The following GTF2H5 variants were observed in gnomAD, a reference collection of about 807,000 sequenced individuals.
GTF2H5 encodes general transcription factor IIH subunit 5.
A neutral mutation model predicts 7.1 loss-of-function variants in GTF2H5; 5 were observed. That is an observed-to-expected ratio of 0.71 (90% CI 0.37 to 1.49). The LOEUF (loss-of-function observed/expected upper bound fraction) is 1.49. Ranked by LOEUF, GTF2H5 falls within the 40% of genes most tolerant of loss-of-function variation. The pLI, the probability that GTF2H5 is intolerant of heterozygous loss-of-function variation, is 0.03. For missense variants in GTF2H5, 80 were observed against 83.0 expected, an observed-to-expected ratio of 0.96 and a Z score of 0.14; for synonymous variants, 30 against 31.7, an observed-to-expected ratio of 0.95 and a Z score of 0.18.
chr6:158,169,549 C>T (rs796859697), intron 1 of GTF2H5, among the ~76,000 whole-genome samples: 820 of 52,552 alleles, frequency 0.016, 68 homozygotes, highest in East Asian at 0.069. Context: ...ATATAATATA[C>T]TGTATATTAT....
At chr6:158,176,348 T>TC (rs1212901366) in intron 2 of GTF2H5, among the ~76,000 whole-genome samples, 1 of 152,126 alleles carries the variant, frequency 6.6e-6, no homozygotes, top group African/African-American at 2.4e-5. Flanking sequence ...TGCTTCAGCC[T>TC]CCCAAGTAGT....
At chr6:158,168,690 G>A (rs1004270866) in intron 1 of GTF2H5, among the ~76,000 whole-genome samples, 1 of 152,250 alleles carries the variant, frequency 6.6e-6, no homozygotes, top group African/African-American at 2.4e-5. Context: ...AGGTCCGCAC[G>A]GGACGTGATT....
At chr6:158,189,774 C>CT (rs1776989805) in intron 2 of GTF2H5, among the ~76,000 whole-genome samples, 1 of 152,206 alleles carries the variant, frequency 6.6e-6, no homozygotes, top group South Asian at 2.1e-4. Context: ...TTCACTGTCT[C>CT]TAATTTCTTT....
intron 2 of GTF2H5, chr6:158,190,958 T>C (rs1184994136): frequency 9.7e-6 from 5 of 513,942 alleles, no homozygotes; most frequent in Non-Finnish European, 1.5e-5. Context: ...GTATCCCTCT[T>C]TTCCCTTATG....
At chr6:158,169,303 A>AATATATAATATGTATATTATGTATATT (rs1785706546) in intron 1 of GTF2H5, among the ~76,000 whole-genome samples, 1 of 118,034 alleles carries the variant, frequency 8.5e-6, no homozygotes, top group South Asian at 2.4e-4. Context: ...TTTTATATAT[A>AATATATAATATGTATATTATGTATATT]ATATATAATA....
chr6:158,170,932 C>G (rs1041589039), intron 2 of GTF2H5, among the ~76,000 whole-genome samples: 3 of 152,164 alleles, frequency 2.0e-5, no homozygotes, highest in Admixed American at 2.0e-4. Context: ...TAGGTACATT[C>G]CAGAGGAGAA....
At chr6:158,191,923 C>A in intron 2 of GTF2H5, 54 bp from the exon 3 acceptor site, 1 of 1,383,018 alleles carries the variant, frequency 7.2e-7, no homozygotes, top group South Asian at 1.2e-5. Flanking sequence ...GCTCAAGTCT[C>A]TGTGATGTGA....
rs1777066919 is a variant in GTF2H5 at position 158,193,918 on chromosome 6, G to A, written c.*1761G>A. 1 of 151,250 alleles carries A rather than the reference G, an allele frequency of 6.6e-6. No individual in the cohort carries two copies. Among genetic ancestry groups the A allele is most frequent in the Non-Finnish European group, 1.5e-5 (1 of 67,940 alleles). The allele number at this position is 151,250 out of a possible 1,614,324, so 9.4% of individuals were successfully genotyped here. ...GCAGGAGAATGGCGTGAACCCGGGAGGCGGAGCTTGCAGTAAGCTGAGATT... is the reference window on the plus strand; with the variant it reads ...GCAGGAGAATGGCGTGAACCCGGGAAGCGGAGCTTGCAGTAAGCTGAGATT... On this transcript the variant is annotated 3_prime_UTR_variant, in exon 3 of 3. Coordinates refer to ENST00000607778, the MANE Select transcript of GTF2H5 (RefSeq NM_207118.3).
rs1328607474 is a variant in GTF2H5 at position 158,192,322 on chromosome 6, G to C, written c.*165G>C. 5 of 575,768 alleles carry C rather than the reference G, an allele frequency of 8.7e-6. No homozygotes were observed. Among genetic ancestry groups the C allele is most frequent in the Admixed American group, 3.1e-5 (1 of 31,894 alleles). 35.7% of individuals were successfully genotyped at this position (575,768 alleles called of 1,614,324 possible). ...TGTTCAGAAAAAAAGCCCCTGAACT[G>C]ATTTTGTTACCATAGAATTTAAAAA... On this transcript the variant is annotated 3_prime_UTR_variant, in exon 3 of 3. Transcript: ENST00000607778.
intron 1 of GTF2H5, 83 bp downstream of exon 1, chr6:158,168,478 A>G (rs1227303940): frequency 6.6e-6 from 1 of 152,404 alleles, no homozygotes; most frequent in African/African-American, 2.4e-5. Flanking sequence ...GAGGAAGAGA[A>G]AAGCCCCAGA....
At chr6:158,183,660 G>A (rs371693932) in intron 2 of GTF2H5, among the ~76,000 whole-genome samples, 17 of 152,202 alleles carry the variant, frequency 1.1e-4, no homozygotes, top group East Asian at 9.6e-4. Flanking sequence ...AATCTCAGAC[G>A]CTGCGCTAGC....
intron 2 of GTF2H5, among the ~76,000 whole-genome samples, chr6:158,180,814 C>G (rs1381191117): frequency 6.7e-6 from 1 of 149,948 alleles, no homozygotes; most frequent in Non-Finnish European, 1.5e-5. Flanking sequence ...TAAAATAAAC[C>G]AGCTCCGGGA....
chr6:158,173,941 CCATACGG>C (rs1785893524), intron 2 of GTF2H5, among the ~76,000 whole-genome samples: 1 of 152,164 alleles, frequency 6.6e-6, no homozygotes, highest in Non-Finnish European at 1.5e-5. Context: ...CCAGTCCAGA[CCATACGG>C]GGTAACTTCT....
At chr6:158,189,413 G>A (rs781708120) in intron 2 of GTF2H5, among the ~76,000 whole-genome samples, 3 of 152,098 alleles carry the variant, frequency 2.0e-5, no homozygotes, top group Non-Finnish European at 2.9e-5. Flanking sequence ...GTTAGTATCC[G>A]TGTGGGTAGT....
At chr6:158,186,786 G>A (rs900717559) in intron 2 of GTF2H5, among the ~76,000 whole-genome samples, 10 of 152,118 alleles carry the variant, frequency 6.6e-5, no homozygotes, top group Non-Finnish European at 1.2e-4. Flanking sequence ...AATGGGGGGC[G>A]GGCTTCCCGG....
At chr6:158,180,832 A>ATTTTT (rs143921455) in intron 2 of GTF2H5, among the ~76,000 whole-genome samples, 1 of 137,800 alleles carries the variant, frequency 7.3e-6, no homozygotes, top group Admixed American at 7.3e-5. Context: ...GGATTCATTG[A>ATTTTT]TTTTTTTTTT....
chr6:158,188,265 C>G (rs920865783), intron 2 of GTF2H5, among the ~76,000 whole-genome samples: 2 of 152,134 alleles, frequency 1.3e-5, no homozygotes, highest in Non-Finnish European at 2.9e-5. Context: ...TCATACCTGT[C>G]TACTGTTGAA....
At chr6:158,184,907 T>C (rs1776887022) in intron 2 of GTF2H5, among the ~76,000 whole-genome samples, 1 of 152,216 alleles carries the variant, frequency 6.6e-6, no homozygotes, top group Non-Finnish European at 1.5e-5. Context: ...GGAGCTATAC[T>C]AAGCTTCTTT....
In GTF2H5 at chr6:158,194,039, A is replaced by G. The variant is rs1777069760; in HGVS notation, c.*1882A>G. The G allele has an allele frequency of 6.6e-6, 1 of 151,988 alleles. No individual in the cohort carries two copies. The highest frequency in any genetic ancestry group is 2.4e-5 in the African/African-American group (1 of 41,356). The allele number at this position is 151,988 out of a possible 1,614,324, so 9.4% of individuals were successfully genotyped here. A position where few individuals can be genotyped will look rare whatever the true frequency, so the allele number is the denominator to read the frequency against. ...TTTCCAGCTATACCAAAATGTTACTAATGTATCTTATATTTCAGGCATGTC... is the reference window on the plus strand; with the variant it reads ...TTTCCAGCTATACCAAAATGTTACTGATGTATCTTATATTTCAGGCATGTC... On this transcript the variant is annotated 3_prime_UTR_variant, in exon 3 of 3. Coordinates refer to ENST00000607778, the MANE Select transcript of GTF2H5 (RefSeq NM_207118.3).
Sources: gnomAD v4.1 joint callset for allele counts (sites outside exome capture counted in the v4.1 genomes callset) on GRCh38, gnomAD v4.1.1 for gene constraint, MANE v1.5 for transcripts, NCBI Gene and HGNC (gene_info 2026-07-23, HGNC 2026-07-21) for gene names.